ARMC2: variants seen among roughly 807,000 people sequenced by gnomAD.
ARMC2 encodes armadillo repeat containing 2.
A neutral mutation model predicts 90.3 loss-of-function variants in ARMC2; 67 were observed. The ratio of observed to expected loss-of-function variants is 0.74; its 90% CI spans 0.61 to 0.91. The LOEUF (loss-of-function observed/expected upper bound fraction) is 0.91. Ranked by LOEUF, ARMC2 falls within the 40% of genes least tolerant of loss-of-function variation. The pLI is 0.00. For synonymous variants in ARMC2, 393 were observed against 393.0 expected (o/e 1.00, Z 0.00); for missense variants, 920 against 1,030.9 (o/e 0.89, Z 1.47).
At chr6:108,911,405 G>A (rs890251490) in intron 9 of ARMC2, among the ~76,000 whole-genome samples, 1 of 152,128 alleles carries the variant, frequency 6.6e-6, no homozygotes, top group Non-Finnish European at 1.5e-5. Flanking sequence ...ACATCAACAT[G>A]TTTCAAATTT....
At chr6:109,030,657 C>A in the ARMC2 span, among the ~76,000 whole-genome samples, 1 of 152,156 alleles carries the variant, frequency 6.6e-6, no homozygotes, top group Non-Finnish European at 1.5e-5. Context: ...ATTCTAAGGT[C>A]TGGAAAGGAA....
chr6:108,869,281 C>T (rs1443406674), intron 4 of ARMC2, among the ~76,000 whole-genome samples: 1 of 152,070 alleles, frequency 6.6e-6, no homozygotes, highest in Non-Finnish European at 1.5e-5. Context: ...GCCAAAGCGG[C>T]CAGATCACCT....
chr6:108,904,034 A>G (rs906805818), intron 7 of ARMC2, among the ~76,000 whole-genome samples, 196 bp from the exon 8 acceptor site: 9 of 152,222 alleles, frequency 5.9e-5, no homozygotes, highest in African/African-American at 2.2e-4. Flanking sequence ...ATAAGTCAAC[A>G]TGGTAGGAGA....
At chr6:108,918,713 C>T (rs1237239252) in intron 10 of ARMC2, among the ~76,000 whole-genome samples, 23 of 152,166 alleles carry the variant, frequency 1.5e-4, no homozygotes, top group Admixed American at 1.5e-3. Flanking sequence ...GCCCACTTTA[C>T]CCTCTGAGCC....
the ARMC2 span, chr6:109,000,217 T>C: frequency 4.0e-6 from 1 of 248,380 alleles, no homozygotes; most frequent in Non-Finnish European, 7.6e-6. Flanking sequence ...GATATTGTAA[T>C]GGATGCGTGA....
the ARMC2 span, among the ~76,000 whole-genome samples, chr6:109,046,884 C>T: frequency 1.7e-4 from 21 of 124,952 alleles, no homozygotes; most frequent in South Asian, 2.2e-3. Context: ...CCCCTCCGTC[C>T]GGCAGCTGCC....
At chr6:108,855,415 A>G (rs907774094) in intron 2 of ARMC2, among the ~76,000 whole-genome samples, 6 of 151,564 alleles carry the variant, frequency 4.0e-5, no homozygotes, top group African/African-American at 1.5e-4. Flanking sequence ...AACCCAGCTA[A>G]TTTTTTTGTG....
chr6:109,009,632 C>T, the ARMC2 span: 5 of 938,690 alleles, frequency 5.3e-6, no homozygotes, highest in Non-Finnish European at 6.5e-6. Flanking sequence ...CTGGCGGCCA[C>T]GCAAGCCAAT....
At chr6:108,942,920 A>AC (rs1776555476) in intron 12 of ARMC2, among the ~76,000 whole-genome samples, 2 of 152,220 alleles carry the variant, frequency 1.3e-5, no homozygotes, top group African/African-American at 4.8e-5. Flanking sequence ...AAGAAAGAAA[A>AC]GAAAAAAACC....
the ARMC2 span, among the ~76,000 whole-genome samples, chr6:109,010,655 A>T: frequency 6.6e-6 from 1 of 152,232 alleles, no homozygotes; most frequent in Middle Eastern, 3.4e-3. Context: ...ATCTCCTAAT[A>T]AATAAGATAA....
the ARMC2 span, among the ~76,000 whole-genome samples, chr6:109,020,218 A>G: frequency 3.3e-5 from 5 of 152,198 alleles, no homozygotes; most frequent in African/African-American, 1.2e-4. Context: ...CACAAGAGAA[A>G]ACAACAAATT....
At chr6:109,022,854 TTAGAACTCAA>T in the ARMC2 span, among the ~76,000 whole-genome samples, 2 of 152,248 alleles carry the variant, frequency 1.3e-5, no homozygotes, top group African/African-American at 4.8e-5. Context: ...TGAGTAAAGG[TTAGAACTCAA>T]GCATATTCTT....
At chr6:108,858,550 CTTAG>C (rs1356480264) in intron 3 of ARMC2, among the ~76,000 whole-genome samples, 2 of 150,898 alleles carry the variant, frequency 1.3e-5, no homozygotes, top group African/African-American at 2.4e-5. Context: ...TTTTTGCTTT[CTTAG>C]TTATACATAT....
the ARMC2 span, among the ~76,000 whole-genome samples, chr6:109,031,899 T>C: frequency 1.1e-4 from 17 of 152,200 alleles, no homozygotes; most frequent in African/African-American, 4.1e-4. Flanking sequence ...TAATGAAATA[T>C]CTTGGGGATG....
intron 13 of ARMC2, 126 bp from the exon 14 acceptor site, chr6:108,961,446 C>CAGGG (rs1562432716): frequency 9.7e-7 from 1 of 1,034,474 alleles, no homozygotes; most frequent in Non-Finnish European, 1.3e-6. Context: ...GGTGCCTCTC[C>CAGGG]AGGGCCTTTG....
chr6:108,982,812 C>CTT, the ARMC2 span, among the ~76,000 whole-genome samples: 124 of 127,232 alleles, frequency 9.7e-4, 1 homozygote, highest in East Asian at 4.7e-3. Context: ...TTGGACTTTT[C>CTT]TTTTTTTTTT....
chr6:108,887,885 G>T (rs1770524941), intron 5 of ARMC2, among the ~76,000 whole-genome samples: 1 of 152,178 alleles, frequency 6.6e-6, no homozygotes, highest in South Asian at 2.1e-4. Flanking sequence ...CTGATAGGCA[G>T]GAATGCTTTG....
intron 11 of ARMC2, among the ~76,000 whole-genome samples, chr6:108,932,902 G>T (rs1775691413): frequency 6.6e-6 from 1 of 151,996 alleles, no homozygotes; most frequent in Non-Finnish European, 1.5e-5. Context: ...TGGGCTCTCT[G>T]TTCTGTTCCC....
chr6:108,899,879 G>A, intron 7 of ARMC2, 87 bp downstream of exon 7: 1 of 952,844 alleles, frequency 1.0e-6, no homozygotes, highest in Non-Finnish European at 1.6e-6. Flanking sequence ...CCATTGCCCT[G>A]ATATTTTTAG....
Sources: gnomAD v4.1 joint callset for allele counts (sites outside exome capture counted in the v4.1 genomes callset) on GRCh38, gnomAD v4.1.1 for gene constraint, MANE v1.5 for transcripts, NCBI Gene and HGNC (gene_info 2026-07-23, HGNC 2026-07-21) for gene names.